The following EYS variants were observed in gnomAD, a reference collection of about 807,000 sequenced individuals.
EYS encodes the protein protein eyes shut homolog.
EYS carries 250 observed loss-of-function variants against 282.1 expected under a neutral mutation model. That is an observed-to-expected ratio of 0.89 (90% CI 0.80 to 0.98). EYS has a LOEUF of 0.98. Among genes scored for constraint, EYS ranks in the 50% least tolerant of loss-of-function variants. EYS has a pLI of 0.00. For missense variants in EYS, 4,016 were observed against 3,709.0 expected (o/e 1.08, Z -2.15); for synonymous variants, 1,355 against 1,282.9 (o/e 1.06, Z -1.20).
intron 30 of EYS, among the ~76,000 whole-genome samples, chr6:64,275,655 A>G (rs1768085341): frequency 6.6e-6 from 1 of 150,440 alleles, no homozygotes; most frequent in Non-Finnish European, 1.5e-5. Flanking sequence ...TGAACTCGTG[A>G]TCTGTGTGCC....
At chr6:64,773,040 C>T (rs1773570735) in intron 22 of EYS, among the ~76,000 whole-genome samples, 1 of 151,726 alleles carries the variant, frequency 6.6e-6, no homozygotes, top group African/African-American at 2.4e-5. Flanking sequence ...GGATAATTTG[C>T]ATGTCACAAA....
intron 15 of EYS, among the ~76,000 whole-genome samples, chr6:64,929,591 A>G (rs1768641116): frequency 6.6e-6 from 1 of 152,120 alleles, no homozygotes; most frequent in South Asian, 2.1e-4. Context: ...TATTTGACCA[A>G]TAATTGGTGG....
At chr6:64,152,534 G>T (rs562615092) in intron 31 of EYS, among the ~76,000 whole-genome samples, 1 of 152,180 alleles carries the variant, frequency 6.6e-6, no homozygotes, top group Admixed American at 6.5e-5. Flanking sequence ...TAGTTTAGGG[G>T]CTTCACAGTC....
intron 37 of EYS, among the ~76,000 whole-genome samples, chr6:63,796,633 C>T (rs1032418087): frequency 6.6e-6 from 1 of 151,760 alleles, no homozygotes; most frequent in African/African-American, 2.4e-5. Flanking sequence ...TAATTTATTC[C>T]TCTAAATATG....
intron 14 of EYS, among the ~76,000 whole-genome samples, chr6:64,985,795 C>T (rs189709649): frequency 2.6e-5 from 4 of 151,370 alleles, no homozygotes; most frequent in Admixed American, 6.6e-5. Flanking sequence ...ATTTATGTTC[C>T]GGAGAAAGTG....
At chr6:64,820,010 C>T (rs530996237) in intron 21 of EYS, among the ~76,000 whole-genome samples, 1 of 152,010 alleles carries the variant, frequency 6.6e-6, no homozygotes, top group Non-Finnish European at 1.5e-5. Context: ...TTACATTCTC[C>T]TCATGAAATT....
chr6:64,184,645 C>A (rs1427403085), intron 31 of EYS, among the ~76,000 whole-genome samples: 2 of 151,628 alleles, frequency 1.3e-5, no homozygotes, highest in Admixed American at 1.3e-4. Context: ...AGAGAAGTAG[C>A]TAAACTATGA....
At chr6:64,262,271 T>A (rs918530156) in intron 30 of EYS, among the ~76,000 whole-genome samples, 1 of 151,940 alleles carries the variant, frequency 6.6e-6, no homozygotes, top group African/African-American at 2.4e-5. Context: ...TTTCATTTGC[T>A]AGTTTTGGTA....
In EYS at chr6:65,443,434, A is replaced by G. The variant is rs1029572419; in HGVS notation, c.863-38067T>C. 4.0e-5 allele frequency among the ~76,000 whole-genome samples: 6 copies of G among 150,910 alleles called. 1 individual carries two copies. Among genetic ancestry groups the G allele is most frequent in the Non-Finnish European group, 5.9e-5 (4 of 67,514 alleles). On this transcript the variant is annotated intron_variant, in intron 5 of 42. Coordinates refer to ENST00000503581, the MANE Select transcript of EYS (RefSeq NM_001142800.2). ...TATAGCCATATATGTACATATATGT[A>G]CACATATAGCCATATGTACATATAC...
At chr6:64,904,715 A>G (rs147574280) in intron 16 of EYS, among the ~76,000 whole-genome samples, 7 of 152,294 alleles carry the variant, frequency 4.6e-5, no homozygotes, top group African/African-American at 4.8e-5. Flanking sequence ...CTGACTGGCT[A>G]TAAAGAAGCA....
intron 36 of EYS, among the ~76,000 whole-genome samples, chr6:63,831,721 A>G (rs1339756242): frequency 2.6e-5 from 4 of 152,200 alleles, no homozygotes; most frequent in African/African-American, 9.6e-5. Flanking sequence ...CAGACATAAT[A>G]GGCATCTACA....
intron 40 of EYS, among the ~76,000 whole-genome samples, chr6:63,774,154 G>GT (rs1249920035): frequency 6.7e-6 from 1 of 150,282 alleles, no homozygotes; most frequent in Admixed American, 6.6e-5. Context: ...TGTAAGTTTT[G>GT]TTTTTCCTAC....
At chr6:64,658,169 G>A (rs755732037) in intron 22 of EYS, among the ~76,000 whole-genome samples, 62 of 152,156 alleles carry the variant, frequency 4.1e-4, no homozygotes, top group Middle Eastern at 3.4e-3. Flanking sequence ...TTGTGCATTC[G>A]TCACGTAGTT....
intron 29 of EYS, among the ~76,000 whole-genome samples, chr6:64,385,931 A>G (rs1772893897): frequency 2.6e-5 from 4 of 152,010 alleles, no homozygotes. Context: ...TCCTTAACTA[A>G]TTTGGCATGT....
At chr6:65,701,991 A>G (rs1769696187) in intron 1 of EYS, among the ~76,000 whole-genome samples, 1 of 152,188 alleles carries the variant, frequency 6.6e-6, no homozygotes, top group Admixed American at 6.5e-5. Flanking sequence ...AGCCAAACTT[A>G]TATTTAACGA....
At chr6:64,723,160 C>G (rs1230999460) in intron 22 of EYS, among the ~76,000 whole-genome samples, 1 of 151,894 alleles carries the variant, frequency 6.6e-6, no homozygotes, top group Non-Finnish European at 1.5e-5. Context: ...GGCAGACATT[C>G]CATCTGTGTA....
At chr6:63,896,273 T>C (rs1466464647) in intron 35 of EYS, among the ~76,000 whole-genome samples, 1 of 152,230 alleles carries the variant, frequency 6.6e-6, no homozygotes, top group East Asian at 1.9e-4. Context: ...CCTCATTACA[T>C]ATATTACAAT....
intron 31 of EYS, among the ~76,000 whole-genome samples, chr6:64,127,238 T>C (rs1332284075): frequency 1.3e-5 from 2 of 152,176 alleles, no homozygotes; most frequent in Non-Finnish European, 2.9e-5. Flanking sequence ...ATTAGTTACA[T>C]GGAAGGAAAA....
chr6:64,819,803 A>AT (rs1056512550), intron 21 of EYS, among the ~76,000 whole-genome samples: 28 of 152,094 alleles, frequency 1.8e-4, no homozygotes, highest in African/African-American at 6.7e-4. Context: ...AAAGATTTGC[A>AT]TTTTTTCAGA....
Sources: allele counts gnomAD v4.1 joint callset (sites outside exome capture counted in the v4.1 genomes callset), GRCh38; gene constraint gnomAD v4.1.1; transcripts MANE v1.5; gene names NCBI Gene and HGNC (gene_info 2026-07-23, HGNC 2026-07-21).